CACNA1B: variants seen among roughly 807,000 people sequenced by gnomAD.
CACNA1B encodes the protein voltage-dependent N-type calcium channel subunit alpha-1B.
Under a neutral mutation model 247.2 loss-of-function variants are expected in CACNA1B, and 70 were observed. That is an observed-to-expected ratio of 0.28 (90% confidence interval 0.23 to 0.35). The LOEUF is 0.35. CACNA1B is among the 10% of genes least tolerant of loss of function. CACNA1B has a pLI of 1.00. For synonymous variants in CACNA1B, 1,231 were observed against 1,294.4 expected, an observed-to-expected ratio of 0.95 and a Z score of 1.05; for missense variants, 2,367 against 3,197.4, an observed-to-expected ratio of 0.74 and a Z score of 6.26.
rs75433094 is a variant in CACNA1B at position 137,932,851 on chromosome 9, C to T, written c.966+15420C>T. ...GCGGTTTGGGTAACTGTATAGCTTA[C>T]GTAATCGAGTGAAGGATTAACTTCC... On this transcript the variant is annotated intron_variant, in intron 6 of 46. Transcript: ENST00000371372. Among the ~76,000 whole-genome samples the T allele has an allele frequency of 7.2e-4, 110 of 152,304 alleles. 1 individual carries two copies. The East Asian group carries it at 0.012, about 17-fold the overall frequency.
Position 138,123,383 on chromosome 9 carries a change from C to T in CACNA1B, c.*1384C>T, listed in dbSNP as rs1464135553. The T allele has an allele frequency of 6.6e-6, 1 of 152,394 alleles. No homozygotes were observed. The highest frequency in any genetic ancestry group is 2.4e-5 in the African/African-American group (1 of 41,482). 9.4% of individuals were successfully genotyped at this position (152,394 alleles called of 1,614,324 possible). A position where few individuals can be genotyped will look rare whatever the true frequency, so the allele number is the denominator to read the frequency against. The stretch of plus-strand genomic sequence containing the variant: ...CATGGCCACGCTCAGGAGAGAAAGA[C>T]CATGCTCAGGACACTGTCCAAGGTG... On this transcript the variant is annotated 3_prime_UTR_variant, in exon 47 of 47. Coordinates refer to ENST00000371372, the MANE Select transcript of CACNA1B (RefSeq NM_000718.4).
At chr9:137,918,190 T>A (rs979841901) in intron 6 of CACNA1B, among the ~76,000 whole-genome samples, 5 of 151,858 alleles carry the variant, frequency 3.3e-5, no homozygotes. Context: ...GTGGCCATGA[T>A]TGAAGTTGAG....
At chr9:137,894,302 A>ATTTTTTTTTTTTTTTTTTT (rs56794355) in intron 3 of CACNA1B, among the ~76,000 whole-genome samples, 1 of 96,074 alleles carries the variant, frequency 1.0e-5, no homozygotes, top group African/African-American at 3.6e-5. Context: ...TTGTCTCTGT[A>ATTTTTTTTTTTTTTTTTTT]TTTTTTTTTT....
intron 7 of CACNA1B, among the ~76,000 whole-genome samples, chr9:137,953,257 C>T (rs1564205292): frequency 6.6e-6 from 1 of 152,220 alleles, no homozygotes; most frequent in East Asian, 1.9e-4. Flanking sequence ...ATCAGGCCTG[C>T]CTGGCTTCCT....
chr9:138,099,303 GT>G (rs1961166488), intron 37 of CACNA1B, among the ~76,000 whole-genome samples: 1 of 151,802 alleles, frequency 6.6e-6, no homozygotes, highest in Non-Finnish European at 1.5e-5. Context: ...GTGTGTGCAT[GT>G]TGACGTTTGT....
At chr9:137,936,704 C>A (rs1246812230) in intron 6 of CACNA1B, among the ~76,000 whole-genome samples, 1 of 152,174 alleles carries the variant, frequency 6.6e-6, no homozygotes, top group Non-Finnish European at 1.5e-5. Context: ...ATATGGCTAG[C>A]CAGTTTTCCC....
chr9:137,935,260 C>G (rs994910957), intron 6 of CACNA1B, among the ~76,000 whole-genome samples: 2 of 152,160 alleles, frequency 1.3e-5, no homozygotes, highest in African/African-American at 2.4e-5. Flanking sequence ...CCATACCCCC[C>G]ACCCCATGAC....
rs45485996 is a variant in CACNA1B, at chr9:138,102,638, C to G, written c.5223-73C>G. 3.2e-3 allele frequency: 2,428 copies of G among 747,254 alleles called. 11 individuals are homozygous for G. Among genetic ancestry groups the G allele is most frequent in the African/African-American group, 9.4e-3 (539 of 57,254 alleles). The allele number at this position is 747,254 out of a possible 1,614,324, so 46.3% of individuals were successfully genotyped here. On this transcript the variant is annotated intron_variant, in intron 37 of 46. Transcript: ENST00000371372. The surrounding 1 kb of genome is among the most constrained non-coding windows in gnomAD (Gnocchi z 5.4). ...CCTGCCCCTACCCCGCTCCCCTCCC[C>G]GCTCCCCTCCTGCTGCCGCTCCTCC...
intron 12 of CACNA1B, among the ~76,000 whole-genome samples, chr9:137,979,203 G>A (rs1049419328): frequency 2.0e-5 from 3 of 152,216 alleles, no homozygotes; most frequent in African/African-American, 7.2e-5. Flanking sequence ...GAATTCAGGT[G>A]TGGCACTGGG....
intron 3 of CACNA1B, among the ~76,000 whole-genome samples, chr9:137,908,546 A>G (rs1198973611): frequency 6.6e-6 from 1 of 152,070 alleles, no homozygotes; most frequent in East Asian, 1.9e-4. Context: ...AACAAAAAAA[A>G]CCTTTAAGAT....
chr9:138,075,755 G>A (rs544537936), intron 34 of CACNA1B, 64 bp from the exon 35 acceptor site: 152 of 1,061,240 alleles, frequency 1.4e-4, no homozygotes, highest in South Asian at 8.5e-4. Flanking sequence ...TCTCTGGCTC[G>A]GTCCACCTGG....
chr9:138,037,905 T>A (rs765919367), intron 20 of CACNA1B, among the ~76,000 whole-genome samples: 11 of 152,192 alleles, frequency 7.2e-5, no homozygotes, highest in Non-Finnish European at 1.2e-4. Context: ...GTGAGTTCAG[T>A]GAGGGTCGCA....
intron 3 of CACNA1B, among the ~76,000 whole-genome samples, chr9:137,902,727 T>TAC (rs775301285): frequency 4.6e-5 from 7 of 152,218 alleles, no homozygotes; most frequent in Non-Finnish European, 1.0e-4. Context: ...GGTTTTTAAA[T>TAC]ACACAATTGA....
chr9:138,068,298 T>C (rs1486095230), intron 31 of CACNA1B, among the ~76,000 whole-genome samples: 2 of 152,238 alleles, frequency 1.3e-5, no homozygotes, highest in East Asian at 1.9e-4. Context: ...TGATGTGCCG[T>C]TCGTAAAGCT....
intron 19 of CACNA1B, 116 bp from the exon 20 acceptor site, chr9:138,024,839 C>T: frequency 2.8e-6 from 2 of 708,244 alleles, no homozygotes; most frequent in Middle Eastern, 3.2e-4. Flanking sequence ...TCGCCATATT[C>T]CCCAGGCTGG....
At chr9:137,924,832 T>C (rs1447009210) in intron 6 of CACNA1B, among the ~76,000 whole-genome samples, 2 of 152,242 alleles carry the variant, frequency 1.3e-5, no homozygotes, top group African/African-American at 4.8e-5. Context: ...ACTGGTGTTC[T>C]AGTACTAGAG....
In CACNA1B at chr9:137,961,375, C is replaced by T. The variant is rs116146307; in HGVS notation, c.1333+3688C>T. 6.5e-3 allele frequency among the ~76,000 whole-genome samples: 988 copies of T among 152,264 alleles called. 10 individuals carry two copies. The highest frequency in any genetic ancestry group is 0.023 in the African/African-American group (949 of 41,532). ...AATACCCTTTATTTCTTTATCTTGC[C>T]AGATTGCTCTGGCCAGAACTTCCAA... On this transcript the variant is annotated intron_variant, in intron 10 of 46. Coordinates refer to ENST00000371372, the MANE Select transcript of CACNA1B (RefSeq NM_000718.4).
At chr9:138,039,508 T>C (rs1178482959) in intron 20 of CACNA1B, among the ~76,000 whole-genome samples, 6 of 152,148 alleles carry the variant, frequency 3.9e-5, no homozygotes. Flanking sequence ...TTTCTGTAGA[T>C]TATTTTGTTT....
At chr9:138,112,269 A>G (rs1007589660) in intron 39 of CACNA1B, 129 bp from the exon 40 acceptor site, 2 of 667,928 alleles carry the variant, frequency 3.0e-6, no homozygotes, top group Non-Finnish European at 5.5e-6. Flanking sequence ...TCCTTCCAGC[A>G]CCGTCTGTAC....
Sources: allele counts gnomAD v4.1 joint callset (sites outside exome capture counted in the v4.1 genomes callset), GRCh38; gene constraint gnomAD v4.1.1; non-coding constraint Gnocchi (gnomAD v3.1); transcripts MANE v1.5; gene names NCBI Gene and HGNC (gene_info 2026-07-23, HGNC 2026-07-21).